Variants in DGKH observed in about 807,000 individuals in gnomAD.
DGKH encodes the protein diacylglycerol kinase eta.
In DGKH, 90 loss-of-function variants were observed where a neutral mutation model predicts 159.3. The ratio of observed to expected loss-of-function variants is 0.57; its 90% CI spans 0.48 to 0.67. DGKH has a LOEUF of 0.67. Ranked by LOEUF, DGKH falls within the 30% of genes least tolerant of loss-of-function variation. The pLI, the probability that DGKH is intolerant of heterozygous loss-of-function variation, is 0.00. For missense variants in DGKH, 1,181 were observed against 1,506.1 expected (o/e 0.78, Z 3.57); for synonymous variants, 536 against 553.8 (o/e 0.97, Z 0.45).
At chr13:42,256,197 G>A in intron 30 of DGKH, 2 of 1,267,288 alleles carry the variant, frequency 1.6e-6, no homozygotes, top group Non-Finnish European at 2.3e-6. Flanking sequence ...GTTGGAGGCA[G>A]CAGTGGACAT....
chr13:42,095,885 A>G (rs1382216408), intron 1 of DGKH, among the ~76,000 whole-genome samples: 1 of 152,200 alleles, frequency 6.6e-6, no homozygotes, highest in Non-Finnish European at 1.5e-5. Context: ...TGCTTGAACC[A>G]ATCTGTCTAA....
chr13:42,066,829 G>A (rs539524647), intron 1 of DGKH: 2 of 152,246 alleles, frequency 1.3e-5, no homozygotes, highest in Admixed American at 6.5e-5. Context: ...ATGTTATGAT[G>A]TGCATTATTG....
chr13:42,089,282 C>T (rs1029990091), intron 1 of DGKH, among the ~76,000 whole-genome samples: 2 of 152,170 alleles, frequency 1.3e-5, no homozygotes, highest in African/African-American at 4.8e-5. Context: ...GCAGAGCATT[C>T]AATCCAACAG....
chr13:42,135,507 A>AAAAAAAAAAAAAAAAAAAAAGAG (rs71096557), intron 3 of DGKH, among the ~76,000 whole-genome samples: 2 of 113,402 alleles, frequency 1.8e-5, no homozygotes, highest in African/African-American at 5.7e-5. Context: ...AAAAAAAAAA[A>AAAAAAAAAAAAAAAAAAAAAGAG]AGAGAGAGAG....
intron 1 of DGKH, among the ~76,000 whole-genome samples, chr13:42,040,581 G>A (rs1403553003): frequency 6.6e-6 from 1 of 151,728 alleles, no homozygotes; most frequent in Non-Finnish European, 1.5e-5. Flanking sequence ...CGGATTCTGC[G>A]CCCGTGGGAG....
Position 42,236,039 on chromosome 13 carries a change from C to T in DGKH, c.*6851C>T, listed in dbSNP as rs941637137. On this transcript the variant is annotated 3_prime_UTR_variant, in exon 30 of 30. Transcript: ENST00000337343. Reference sequence around the variant, plus strand: ...AAATATTTAATAACAAATATAAAAGCTTTGTATATTTTGTGGCATTAGGGG... The same window carrying T: ...AAATATTTAATAACAAATATAAAAGTTTTGTATATTTTGTGGCATTAGGGG... 4.8e-4 allele frequency: 73 copies of T among 152,010 alleles called. 1 individual carries two copies. Among genetic ancestry groups the T allele is most frequent in the Admixed American group, 4.7e-3 (72 of 15,262 alleles). The allele number at this position is 152,010 out of a possible 1,614,324, so 9.4% of individuals were successfully genotyped here.
At chr13:42,109,644 G>A (rs894594451) in intron 1 of DGKH, among the ~76,000 whole-genome samples, 3 of 40,122 alleles carry the variant, frequency 7.5e-5, no homozygotes, top group Admixed American at 1.6e-4. Context: ...GCAGCTGTGC[G>A]TGCGTGCCTG....
intron 13 of DGKH, 51 bp from the exon 14 acceptor site, chr13:42,186,998 G>A (rs749723772): frequency 1.4e-6 from 2 of 1,463,988 alleles, no homozygotes; most frequent in Non-Finnish European, 1.9e-6. Flanking sequence ...ATAAATCAAG[G>A]CAAATTAATT....
At chr13:42,069,909 T>G in intron 1 of DGKH, 1 of 726,032 alleles carries the variant, frequency 1.4e-6, no homozygotes, top group East Asian at 2.5e-5. Context: ...AGGGATCGAC[T>G]TGTACTTCTT....
intron 13 of DGKH, among the ~76,000 whole-genome samples, chr13:42,182,418 G>A (rs1171275552): frequency 6.6e-6 from 1 of 151,798 alleles, no homozygotes; most frequent in Non-Finnish European, 1.5e-5. Flanking sequence ...CTATCCATGG[G>A]GGATTGGCTC....
Position 42,141,369 on chromosome 13 carries a change from G to A in DGKH, c.384+11737G>A, listed in dbSNP as rs562667344. ...AGTGCTGCAGCAAACATACATGTGC[G>A]TGTGTCTGTATAGCAGCATGATTTA... is the stretch of plus-strand genomic sequence containing the variant. On this transcript the variant is annotated intron_variant, in intron 3 of 29. Coordinates refer to ENST00000337343, the MANE Select transcript of DGKH (RefSeq NM_178009.5). 8.8e-4 allele frequency among the ~76,000 whole-genome samples: 134 copies of A among 152,144 alleles called. 1 individual carries two copies. The highest frequency in any genetic ancestry group is 6.8e-3 in the Middle Eastern group (2 of 294).
intron 25 of DGKH, 93 bp downstream of exon 25, chr13:42,214,705 G>A: frequency 2.5e-6 from 3 of 1,214,162 alleles, no homozygotes; most frequent in Non-Finnish European, 2.3e-6. Context: ...CCCTGTGACA[G>A]AAAGTTATGT....
At chr13:42,073,266 G>A (rs1051309430) in intron 1 of DGKH, among the ~76,000 whole-genome samples, 1 of 152,080 alleles carries the variant, frequency 6.6e-6, no homozygotes, top group African/African-American at 2.4e-5. Context: ...TGTTTTCTTT[G>A]CCATTTATTA....
chr13:42,139,547 G>T (rs879679739), intron 3 of DGKH, among the ~76,000 whole-genome samples: 1 of 152,158 alleles, frequency 6.6e-6, no homozygotes, highest in Non-Finnish European at 1.5e-5. Context: ...GAAGATCCAT[G>T]ACTCGGAAAA....
intron 1 of DGKH, among the ~76,000 whole-genome samples, chr13:42,090,172 C>G (rs557480036): frequency 1.6e-4 from 25 of 152,270 alleles, no homozygotes; most frequent in East Asian, 3.9e-4. Context: ...GGAGGGAAAA[C>G]TGCACTTAAA....
intron 9 of DGKH, among the ~76,000 whole-genome samples, chr13:42,167,648 G>T (rs1956344390): frequency 1.3e-5 from 2 of 151,936 alleles, no homozygotes; most frequent in Non-Finnish European, 2.9e-5. Context: ...CCTTTCCTCT[G>T]CTGAGGTCCT....
At chr13:42,252,715 A>C (rs1319377425) in intron 30 of DGKH, among the ~76,000 whole-genome samples, 1 of 152,000 alleles carries the variant, frequency 6.6e-6, no homozygotes, top group Non-Finnish European at 1.5e-5. Flanking sequence ...ACCTATGGCA[A>C]CTGAGTCGGT....
chr13:42,112,432 C>T (rs963734877), intron 1 of DGKH, among the ~76,000 whole-genome samples: 2 of 152,090 alleles, frequency 1.3e-5, no homozygotes, highest in African/African-American at 2.4e-5. Flanking sequence ...CAAGAGTGAG[C>T]CACGATGCCT....
chr13:42,207,026 T>TCC (rs67272022), intron 21 of DGKH, among the ~76,000 whole-genome samples: 56 of 23,418 alleles, frequency 2.4e-3, no homozygotes, highest in African/African-American at 6.0e-3. Flanking sequence ...TTTCTTTCTT[T>TCC]TTCTTTCTTT....
Sources: allele counts gnomAD v4.1 joint callset (sites outside exome capture counted in the v4.1 genomes callset), GRCh38; gene constraint gnomAD v4.1.1; transcripts MANE v1.5; gene names NCBI Gene and HGNC (gene_info 2026-07-23, HGNC 2026-07-21).